Variants in SHBG observed in about 807,000 individuals in gnomAD.
SHBG encodes sex hormone-binding globulin.
SHBG carries 37 observed loss-of-function variants against 41.9 expected under a neutral mutation model. That is an observed-to-expected ratio of 0.88 (90% CI 0.68 to 1.16). The LOEUF is 1.16. Among genes scored for constraint, SHBG ranks in the 50% most tolerant of loss-of-function variants. The pLI is 0.00. For synonymous variants in SHBG, 217 were observed against 205.8 expected (o/e 1.05, Z -0.47); for missense variants, 466 against 499.9 (o/e 0.93, Z 0.65).
At position 7,630,246 on chromosome 17, in the gene SHBG, G is replaced by A. The variant is rs6260; in HGVS notation, c.74G>A (p.Arg25His). 2,196 of 1,609,546 alleles carry A rather than the reference G, an allele frequency of 1.4e-3. 45 individuals are homozygous for A. In the African/African-American group the frequency reaches 0.024, roughly 17 times the overall value. ...CTGTTGCTACTACTGCGTCACACCC[G>A]CCAGGGATGGGCCCTGAGACCTGTT... The part of the protein sequence containing the change: ...LLLLLLLRHT[R>H]QGWALRPVLP... The change falls in exon 1 of 8, where the codon CGC (arginine) becomes CAC (histidine). Residue 25 changes from arginine (R) to histidine (H), a missense_variant. By Grantham distance (29) the Arg-to-His change is conservative (BLOSUM62 0). Coordinates refer to ENST00000380450, the MANE Select transcript of SHBG (RefSeq NM_001040.5). The surrounding 1 kb of genome is among the most constrained non-coding windows in gnomAD (Gnocchi z 4.6).
chr17:7,631,398 T>C (rs781558997), intron 4 of SHBG, 37 bp downstream of exon 4: 4 of 1,606,962 alleles, frequency 2.5e-6, no homozygotes, highest in East Asian at 2.2e-5. Flanking sequence ...TAGCCAAGAC[T>C]TGGTAAAGCA....
upstream of SHBG, chr17:7,627,330 G>A (rs755452318): frequency 2.2e-5 from 36 of 1,613,808 alleles, no homozygotes; most frequent in Non-Finnish European, 3.0e-5. The surrounding 1 kb of genome is among the most constrained non-coding windows in gnomAD (Gnocchi z 4.8). Flanking sequence ...TTCCTCCCCA[G>A]CCTCCGCCAG....
chr17:7,625,255 G>C (rs1324260361), upstream of SHBG, among the ~76,000 whole-genome samples: 1 of 151,668 alleles, frequency 6.6e-6, no homozygotes, highest in East Asian at 1.9e-4. Flanking sequence ...GGCCAGGCAT[G>C]AGCTTTTGTA....
At chr17:7,617,895 G>A (rs2072021332) in intron 1 of SHBG, among the ~76,000 whole-genome samples, 1 of 152,104 alleles carries the variant, frequency 6.6e-6, no homozygotes, top group South Asian at 2.1e-4. Flanking sequence ...AGCAGCCTGG[G>A]CAACATGGCG....
upstream of SHBG, among the ~76,000 whole-genome samples, chr17:7,626,070 C>T (rs112949270): frequency 1.5e-5 from 2 of 137,528 alleles, no homozygotes; most frequent in Non-Finnish European, 1.6e-5. Context: ...GGTGCGCACC[C>T]GTAGTCCCAG....
chr17:7,632,121 A>G (rs887212820), intron 6 of SHBG, 106 bp downstream of exon 6: 4 of 1,151,792 alleles, frequency 3.5e-6, no homozygotes, highest in Non-Finnish European at 5.2e-6. Context: ...AGCCCAGGGA[A>G]CATAACAAGA....
intron 1 of SHBG, among the ~76,000 whole-genome samples, chr17:7,617,379 A>G (rs1597892612): frequency 6.6e-6 from 1 of 152,134 alleles, no homozygotes; most frequent in East Asian, 1.9e-4. Flanking sequence ...AGGCGGGTGG[A>G]TCACCTGAGG....
intron 1 of SHBG, chr17:7,614,163 G>A (rs1218322792): frequency 6.3e-6 from 4 of 638,320 alleles, no homozygotes; most frequent in African/African-American, 1.8e-5. Context: ...TGGGTAAAGG[G>A]GTCTCTCCTG....
chr17:7,619,707 G>A (rs1359523115), intron 1 of SHBG, among the ~76,000 whole-genome samples: 4 of 143,714 alleles, frequency 2.8e-5, no homozygotes, highest in South Asian at 2.2e-4. Context: ...GCGGAACTTC[G>A]TCTCAAAAAA....
At chr17:7,615,833 CAAAAA>C (rs544422942) in intron 1 of SHBG, among the ~76,000 whole-genome samples, 3 of 73,016 alleles carry the variant, frequency 4.1e-5, no homozygotes, top group African/African-American at 1.0e-4. Flanking sequence ...GACTCAGTCT[CAAAAA>C]AAAAAAAAAA....
Position 7,631,320 on chromosome 17 carries a change from C to T in SHBG, c.514C>T (p.Leu172Phe), listed in dbSNP as rs201120578. 1 of 1,613,874 alleles carries T rather than the reference C, an allele frequency of 6.2e-7. No homozygotes were observed. Among genetic ancestry groups the T allele is most frequent in the African/African-American group, 1.3e-5 (1 of 75,032 alleles). Residue 172 changes from leucine to phenylalanine, a missense_variant, in exon 4 of 8, where the codon CTT becomes TTT. Physicochemically the swap from Leu to Phe is conservative, Grantham distance 22. Transcript: ENST00000380450. The stretch of plus-strand genomic sequence containing the variant: ...ACGCCATCCCATCATGAGGATTGCG[C>T]TTGGGGGGCTGCTCTTCCCCGCTTC... ...SKRHPIMRIA[L>F]GGLLFPASNL...
upstream of SHBG, among the ~76,000 whole-genome samples, chr17:7,629,229 T>A (rs2072321165): frequency 1.3e-5 from 2 of 151,364 alleles, no homozygotes; most frequent in Non-Finnish European, 2.9e-5. Context: ...CAAAAAAATT[T>A]GCTGGGCGTG....
chr17:7,614,372 T>A, intron 1 of SHBG: 1 of 1,067,084 alleles, frequency 9.4e-7, no homozygotes, highest in Non-Finnish European at 1.3e-6. Context: ...CTCCAGAAGC[T>A]CGATCCCGCC....
rs1040413002 is a variant in SHBG, at chr17:7,620,634, T to TG, written c.-62+6523_-62+6524insG. On this transcript the variant is annotated intron_variant, in intron 1 of 5. Transcript: ENST00000570547. ...CAGTGCCCAGATTAATAATTTTTTT[T>TG]TTTGTTTTTTTGGGGGACGGAGTTT... 5.9e-5 allele frequency among the ~76,000 whole-genome samples: 9 copies of TG among 151,736 alleles called. No homozygotes were observed. In the East Asian group the frequency reaches 9.7e-4, roughly 16 times the overall value.
In SHBG at chr17:7,630,514, G is replaced by T. The variant is rs1304476355; in HGVS notation, c.203+7G>T. 1.9e-6 allele frequency: 3 copies of T among 1,612,834 alleles called. No individual in the cohort carries two copies. Among genetic ancestry groups the T allele is most frequent in the African/African-American group, 1.3e-5 (1 of 74,992 alleles). ...ACCTCACCAAGATCACAAAGTATGG[G>T]GTTGGCCTAGCCCTTGACCCAGTCC... On this transcript the variant is annotated splice_region_variant and intron_variant, in intron 2 of 7. Coordinates refer to ENST00000380450, the MANE Select transcript of SHBG (RefSeq NM_001040.5). This position sits in a 1 kb window ranked among gnomAD's most constrained non-coding sequence, Gnocchi z 4.6.
chr17:7,615,310 C>A (rs555161965), intron 1 of SHBG, among the ~76,000 whole-genome samples: 1 of 152,108 alleles, frequency 6.6e-6, no homozygotes, highest in Non-Finnish European at 1.5e-5. Flanking sequence ...ACTTTCCCCA[C>A]CTTTGTCTTT....
upstream of SHBG, among the ~76,000 whole-genome samples, chr17:7,624,745 G>A (rs183339443): frequency 2.5e-3 from 386 of 151,418 alleles, 1 homozygote; most frequent in Non-Finnish European, 3.5e-3. Flanking sequence ...TCCACTTCCT[G>A]GGATCAAGCG....
At chr17:7,621,803 A>G (rs1354625025) in intron 1 of SHBG, among the ~76,000 whole-genome samples, 2 of 151,808 alleles carry the variant, frequency 1.3e-5, no homozygotes, top group African/African-American at 4.8e-5. Flanking sequence ...GAACTTTGCA[A>G]GTAAGGATAG....
chr17:7,632,727 C>T (rs370605449), intron 6 of SHBG, 25 bp from the exon 7 acceptor site: 8 of 1,582,456 alleles, frequency 5.1e-6, no homozygotes, highest in Admixed American at 3.3e-5. Flanking sequence ...CTCTCTCTAC[C>T]GTCCCTTTCC....
Sources: allele counts gnomAD v4.1 joint callset (sites outside exome capture counted in the v4.1 genomes callset), GRCh38; gene constraint gnomAD v4.1.1; non-coding constraint Gnocchi (gnomAD v3.1); transcripts MANE v1.5; gene names NCBI Gene and HGNC (gene_info 2026-07-23, HGNC 2026-07-21).